Variants in TBC1D14 observed in about 807,000 individuals in gnomAD.
TBC1D14 encodes the protein TBC1 domain family, member 14.
TBC1D14 carries 26 observed loss-of-function variants against 79.0 expected under a neutral mutation model. That is an observed-to-expected ratio of 0.33 (90% CI 0.24 to 0.46). The LOEUF (loss-of-function observed/expected upper bound fraction) is 0.46, where lower values mean the gene tolerates loss of function less well. Ranked by LOEUF, TBC1D14 falls within the 20% of genes least tolerant of loss-of-function variation. TBC1D14 has a pLI of 1.00. For missense variants in TBC1D14, 769 were observed against 887.6 expected, an observed-to-expected ratio of 0.87 and a Z score of 1.70; for synonymous variants, 394 against 349.9, an observed-to-expected ratio of 1.13 and a Z score of -1.40.
At chr4:6,947,110 C>G (rs1560270438) in intron 2 of TBC1D14, among the ~76,000 whole-genome samples, 1 of 152,164 alleles carries the variant, frequency 6.6e-6, no homozygotes, top group Non-Finnish European at 1.5e-5. Context: ...CCTGTAATCC[C>G]AGCACTTTGG....
chr4:6,924,813 G>C (rs1176263341), intron 2 of TBC1D14, among the ~76,000 whole-genome samples: 2 of 152,210 alleles, frequency 1.3e-5, no homozygotes, highest in African/African-American at 4.8e-5. Flanking sequence ...CTATTTCCTA[G>C]GCCCTGTTCT....
chr4:7,002,021 C>T (rs1353782465), intron 7 of TBC1D14, among the ~76,000 whole-genome samples: 2 of 152,148 alleles, frequency 1.3e-5, no homozygotes, highest in African/African-American at 4.8e-5. Flanking sequence ...CTCATGAAGG[C>T]CTTGAGTTTA....
At chr4:6,970,868 C>T (rs1577101430) in intron 3 of TBC1D14, among the ~76,000 whole-genome samples, 1 of 138,066 alleles carries the variant, frequency 7.2e-6, no homozygotes, top group Non-Finnish European at 1.6e-5. Context: ...GGTGTGCACA[C>T]TGGCCAGGAG....
At chr4:7,007,447 G>A (rs781237933) in intron 9 of TBC1D14, 42 of 853,078 alleles carry the variant, frequency 4.9e-5, no homozygotes, top group Non-Finnish European at 6.1e-5. Flanking sequence ...TATCTATAAC[G>A]GGTTTTTGCG....
In TBC1D14 at chr4:6,975,500, T is replaced by G. The variant is rs540725262; in HGVS notation, c.843+8076T>G. ...TGCTGGGATTACAGGTGTGAGCCAC[T>G]GCGCCTGGCCAGGATCATCTTTTAA... is the stretch of plus-strand genomic sequence containing the variant. On this transcript the variant is annotated intron_variant, in intron 3 of 13. Coordinates refer to ENST00000409757, the MANE Select transcript of TBC1D14 (RefSeq NM_020773.3). 1.8e-4 allele frequency among the ~76,000 whole-genome samples: 27 copies of G among 152,214 alleles called. No individual in the cohort carries two copies. The East Asian group carries it at 5.2e-3, about 29-fold the overall frequency.
chr4:6,954,288 G>A (rs2109011837), intron 2 of TBC1D14: 1 of 717,526 alleles, frequency 1.4e-6, no homozygotes, highest in East Asian at 2.7e-5. Context: ...GGAGCTGCGA[G>A]GTCACAGTAG....
rs1336741260 is a variant in TBC1D14 at position 7,031,938 on chromosome 4, CA to C, written c.*1547del. On this transcript the variant is annotated 3_prime_UTR_variant, in exon 14 of 14. Coordinates refer to ENST00000409757, the MANE Select transcript of TBC1D14 (RefSeq NM_020773.3). ...CGTTCTCTGGACTTTTTATGCCTGCCATACCCGCTAATGCTCCTCGAGGTGC... is the reference window on the plus strand; with the variant it reads ...CGTTCTCTGGACTTTTTATGCCTGCCTACCCGCTAATGCTCCTCGAGGTGC... The C allele has an allele frequency of 6.6e-6, 1 of 152,440 alleles. No homozygotes were observed. The highest frequency in any genetic ancestry group is 1.5e-5 in the Non-Finnish European group (1 of 68,190). 9.4% of individuals were successfully genotyped at this position (152,440 alleles called of 1,614,324 possible). A position where few individuals can be genotyped will look rare whatever the true frequency, so the allele number is the denominator to read the frequency against.
chr4:7,027,883 C>T (rs1402993333), intron 13 of TBC1D14, among the ~76,000 whole-genome samples: 1 of 146,086 alleles, frequency 6.8e-6, no homozygotes, highest in Non-Finnish European at 1.5e-5. Context: ...ACACACATTG[C>T]ACACCCAGTC....
At position 7,009,306 on chromosome 4, in the gene TBC1D14, A is replaced by G. The variant is rs193203762; in HGVS notation, c.1447-571A>G. Among the ~76,000 whole-genome samples, 265 of 152,352 alleles carry G rather than the reference A, an allele frequency of 1.7e-3. 3 individuals are homozygous for G. The highest frequency in any genetic ancestry group is 6.1e-3 in the African/African-American group (252 of 41,580). On this transcript the variant is annotated intron_variant, in intron 9 of 13. Coordinates refer to ENST00000409757, the MANE Select transcript of TBC1D14 (RefSeq NM_020773.3). ...ATAATTCCAACAATTGACTTTTTGG[A>G]AGCAGTTATAAGAGCAAGTGGAAAT...
At chr4:6,986,838 T>G (rs2109117625) in intron 3 of TBC1D14, among the ~76,000 whole-genome samples, 1 of 152,362 alleles carries the variant, frequency 6.6e-6, no homozygotes, top group Admixed American at 6.5e-5. Flanking sequence ...GTGTGCTCCC[T>G]GACGTTTTAA....
At chr4:7,018,863 C>A (rs1196293331) in intron 12 of TBC1D14, among the ~76,000 whole-genome samples, 1 of 152,224 alleles carries the variant, frequency 6.6e-6, no homozygotes, top group East Asian at 1.9e-4. Flanking sequence ...CCATTGCCGG[C>A]CAGTGGCAGA....
At chr4:6,947,962 G>A (rs189438950) in intron 2 of TBC1D14, among the ~76,000 whole-genome samples, 2 of 152,308 alleles carry the variant, frequency 1.3e-5, no homozygotes, top group African/African-American at 4.8e-5. Context: ...AATGCAGGGG[G>A]AGGTGAGGTG....
At chr4:6,912,581 A>G (rs1369925839) in intron 1 of TBC1D14, among the ~76,000 whole-genome samples, 2 of 152,004 alleles carry the variant, frequency 1.3e-5, no homozygotes, top group Non-Finnish European at 2.9e-5. Flanking sequence ...GAGACTGGTG[A>G]CAGGAAGAAG....
At chr4:7,001,078 A>G in intron 6 of TBC1D14, 67 bp from the exon 7 acceptor site, 1 of 1,394,016 alleles carries the variant, frequency 7.2e-7, no homozygotes, top group Non-Finnish European at 1.0e-6. Flanking sequence ...GTTCGGGGCT[A>G]GGCACGCAGG....
At chr4:6,990,772 G>A (rs1023815528) in intron 3 of TBC1D14, among the ~76,000 whole-genome samples, 3 of 152,128 alleles carry the variant, frequency 2.0e-5, no homozygotes, top group Non-Finnish European at 4.4e-5. Context: ...CTGTTTTATA[G>A]CTGAGAACAG....
intron 11 of TBC1D14, among the ~76,000 whole-genome samples, chr4:7,011,348 GT>G (rs1490301795): frequency 7.0e-6 from 1 of 142,816 alleles, no homozygotes; most frequent in Non-Finnish European, 1.5e-5. Context: ...ACAGTGGGGG[GT>G]AGGGTTTACA....
intron 2 of TBC1D14, among the ~76,000 whole-genome samples, chr4:6,952,284 A>G (rs553156685): frequency 2.0e-5 from 3 of 152,238 alleles, no homozygotes; most frequent in Non-Finnish European, 2.9e-5. Context: ...GGTGGGACTC[A>G]AGAAATTTGT....
chr4:7,004,816 A>G, intron 7 of TBC1D14, 28 bp from the exon 8 acceptor site: 1 of 1,612,332 alleles, frequency 6.2e-7, no homozygotes, highest in Non-Finnish European at 8.5e-7. Flanking sequence ...ATGTGCACGT[A>G]ATACTTACCC....
chr4:6,995,820 T>A (rs973546226), intron 4 of TBC1D14: 9 of 135,438 alleles, frequency 6.6e-5, no homozygotes, highest in African/African-American at 2.2e-4. Context: ...CCCATTCATT[T>A]GTTTTTATTT....
Sources: gnomAD v4.1 joint callset for allele counts (sites outside exome capture counted in the v4.1 genomes callset) on GRCh38, gnomAD v4.1.1 for gene constraint, MANE v1.5 for transcripts, NCBI Gene and HGNC (gene_info 2026-07-23, HGNC 2026-07-21) for gene names.